The following PLEKHG4B variants were observed in gnomAD, a reference collection of about 807,000 sequenced individuals.
PLEKHG4B encodes pleckstrin homology domain-containing family G member 4B.
Under a neutral mutation model 121.3 loss-of-function variants are expected in PLEKHG4B, and 111 were observed. The observed-to-expected ratio is 0.92, with a 90% CI of 0.78 to 1.07. The LOEUF is 1.07. PLEKHG4B is among the 50% of genes least tolerant of loss of function. The pLI is 0.00. For missense variants in PLEKHG4B, 1,831 were observed against 1,757.8 expected, an observed-to-expected ratio of 1.04 and a Z score of -0.74; for synonymous variants, 738 against 725.0, an observed-to-expected ratio of 1.02 and a Z score of -0.29.
rs1736110692 is a variant in PLEKHG4B, at chr5:163,335, T to C, written c.3263T>C (p.Ile1088Thr). The C allele has an allele frequency of 6.2e-7, 1 of 1,613,346 alleles. No individual in the cohort carries two copies. The highest frequency in any genetic ancestry group is 1.7e-5 in the Admixed American group (1 of 60,032). Residue 1088 changes from isoleucine to threonine, a missense_variant, in exon 13 of 20, where the codon ATA becomes ACA. Physicochemically the swap from Ile to Thr is moderately conservative, Grantham distance 89. Transcript: ENST00000637938. Reference sequence around the variant, plus strand: ...ATAAAGAAAACGCAAAGTTTCGAGATACCTCAGCCCGACAGTGGCCCCAGG... The same window carrying C: ...ATAAAGAAAACGCAAAGTTTCGAGACACCTCAGCCCGACAGTGGCCCCAGG... ...KMIKKTQSFE[I>T]PQPDSGPRDS...
At chr5:146,447 A>G (rs538058607) in intron 6 of PLEKHG4B, among the ~76,000 whole-genome samples, 23 of 128,370 alleles carry the variant, frequency 1.8e-4, no homozygotes, top group Non-Finnish European at 6.6e-5. Context: ...CTAACCCTGC[A>G]GCCATCTCTC....
chr5:180,668 T>C (rs558054942), intron 18 of PLEKHG4B, among the ~76,000 whole-genome samples: 1 of 152,330 alleles, frequency 6.6e-6, no homozygotes, highest in East Asian at 1.9e-4. Context: ...GCAAACCCAC[T>C]GCAGCCAGAG....
intron 1 of PLEKHG4B, among the ~76,000 whole-genome samples, chr5:92,523 G>GGT: frequency 8.0e-6 from 1 of 124,506 alleles, no homozygotes; most frequent in Non-Finnish European, 1.7e-5. Flanking sequence ...CATCAAGGCG[G>GGT]GCGGGCGCGG....
At chr5:144,440 C>T (rs1020531214) in intron 5 of PLEKHG4B, among the ~76,000 whole-genome samples, 8 of 152,244 alleles carry the variant, frequency 5.3e-5, no homozygotes, top group Non-Finnish European at 7.3e-5. Context: ...AGGCCATCCA[C>T]ATCCCATCAG....
intron 13 of PLEKHG4B, among the ~76,000 whole-genome samples, chr5:167,216 G>A (rs1000088061): frequency 2.2e-4 from 33 of 152,186 alleles, no homozygotes; most frequent in African/African-American, 2.4e-5. Flanking sequence ...CGGCCTTCCC[G>A]CCAGTGCTGT....
rs1314207383 is a variant in PLEKHG4B, at chr5:135,679, AAAAATATATATATATATATAT to A, written c.244-3802_244-3782del. ...AGACTCCATCTCAAAAAAAAAAAAAAAAAATATATATATATATATATATATATATATATATATATATATATA... is the reference window on the plus strand; with the variant it reads ...AGACTCCATCTCAAAAAAAAAAAAAAATATATATATATATATATATATATA... On this transcript the variant is annotated intron_variant, in intron 2 of 19. Transcript: ENST00000637938. Among the ~76,000 whole-genome samples the A allele has an allele frequency of 5.7e-3, 325 of 57,152 alleles. 13 individuals are homozygous for A. The highest frequency in any genetic ancestry group is 0.049 in the Middle Eastern group (5 of 102). 37.5% of individuals were successfully genotyped at this position (57,152 alleles called of 152,430 possible). A position where few individuals can be genotyped will look rare whatever the true frequency, so the allele number is the denominator to read the frequency against.
At chr5:127,976 A>G (rs558282658) in intron 2 of PLEKHG4B, among the ~76,000 whole-genome samples, 4 of 152,330 alleles carry the variant, frequency 2.6e-5, no homozygotes, top group Admixed American at 6.5e-5. Flanking sequence ...CTGGCTGACA[A>G]TTGGTTGAGT....
intron 14 of PLEKHG4B, 36 bp downstream of exon 14, chr5:169,628 T>C: frequency 6.2e-7 from 1 of 1,605,062 alleles, no homozygotes; most frequent in Non-Finnish European, 8.5e-7. Flanking sequence ...CCGGGCAACG[T>C]GGTGGGTGAA....
chr5:162,864 A>C lies in PLEKHG4B; in HGVS notation c.2792A>C (p.His931Pro). 1 of 1,519,194 alleles carries C rather than the reference A, an allele frequency of 6.6e-7. No homozygotes were observed. The highest frequency in any genetic ancestry group is 8.8e-7 in the Non-Finnish European group (1 of 1,132,408). 94.1% of individuals were successfully genotyped at this position (1,519,194 alleles called of 1,614,324 possible). Residue 931 changes from histidine (H) to proline (P), a missense_variant, in exon 13 of 20, where the codon CAT becomes CCT. Coordinates refer to ENST00000637938, the MANE Select transcript of PLEKHG4B (RefSeq NM_052909.5). ...PGAGVAVLKP[H>P]ALGKPWASQQ... ...GCAGGTGTGGCAGTGCTGAAGCCTC[A>C]TGCCCTGGGGAAACCGTGGGCATCA...
chr5:140,087 G>A lies in PLEKHG4B; in HGVS notation c.848G>A (p.Ser283Asn), dbSNP rs1477066525. 2.1e-5 allele frequency: 10 copies of A among 476,078 alleles called. No individual in the cohort carries two copies. Among genetic ancestry groups the A allele is most frequent in the Non-Finnish European group, 3.7e-5 (10 of 273,282 alleles). The allele number at this position is 476,078 out of a possible 1,614,324, so 29.5% of individuals were successfully genotyped here. Reference protein sequence around the residue: ...ELGSPRTLSGSSDRDFEKVSP... With the variant: ...ELGSPRTLSGNSDRDFEKVSP... ...GGAAGCCCCAGGACCCTGTCTGGAA[G>A]CTCAGACAGGGACTTCGAAAAGGTC... The change falls in exon 3 of 20, where the codon AGC becomes AAC. Residue 283 changes from serine to asparagine, a missense_variant. By Grantham distance (46) the Ser-to-Asn change is conservative (BLOSUM62 1). Transcript: ENST00000637938.
Position 169,459 on chromosome 5 carries a change from G to C in PLEKHG4B, c.3596G>C (p.Gly1199Ala), listed in dbSNP as rs1351192838. The part of the protein sequence containing the change: ...PEMERMDLPQ[G>A]LRGKHHVIFG... ...ATGGAAAGAATGGACTTGCCCCAGG[G>C]CCTTCGAGGGAAGCACCACGTTATT... Residue 1199 changes from glycine to alanine, a missense_variant, in exon 14 of 20, where the codon GGC becomes GCC. Transcript: ENST00000637938. 6.2e-7 allele frequency: 1 copy of C among 1,614,092 alleles called. No individual in the cohort carries two copies. Among genetic ancestry groups the C allele is most frequent in the Non-Finnish European group, 8.5e-7 (1 of 1,180,050 alleles).
chr5:151,021 G>C (rs190106578), intron 6 of PLEKHG4B, among the ~76,000 whole-genome samples: 2 of 152,146 alleles, frequency 1.3e-5, no homozygotes, highest in African/African-American at 4.8e-5. Flanking sequence ...GGAACAAACC[G>C]TTGATCTCCA....
chr5:107,623 C>T (rs1734014262), intron 1 of PLEKHG4B, among the ~76,000 whole-genome samples: 1 of 152,270 alleles, frequency 6.6e-6, no homozygotes, highest in African/African-American at 2.4e-5. Flanking sequence ...GGTATCCCAC[C>T]TGCCCATCCC....
At chr5:99,780 G>T (rs778527281) in intron 1 of PLEKHG4B, among the ~76,000 whole-genome samples, 1 of 152,110 alleles carries the variant, frequency 6.6e-6, no homozygotes, top group Admixed American at 6.5e-5. Context: ...TAGAGGTGTA[G>T]AAAGCAGGCA....
rs138837556 is a variant in PLEKHG4B at position 163,185 on chromosome 5, C to T, written c.3113C>T (p.Ser1038Phe). The T allele has an allele frequency of 1.3e-3, 2,045 of 1,578,812 alleles. 2 individuals carry two copies. Among genetic ancestry groups the T allele is most frequent in the Non-Finnish European group, 1.5e-3 (1,774 of 1,163,576 alleles). The change falls in exon 13 of 20, where the codon TCC becomes TTC. Residue 1038 changes from serine (S) to phenylalanine (F), a missense_variant. Physicochemically the swap from Ser to Phe is radical, Grantham distance 155 (BLOSUM62 -2). Transcript: ENST00000637938. ...CTGTGTGCTCTGTGGGACCCACTGT[C>T]CCTCCTCAGGGGCCTTCCAGGGGCA... ...PGLCALWDPL[S>F]LLRGLPGAGA...
At chr5:101,503 G>A (rs571270231) in intron 1 of PLEKHG4B, among the ~76,000 whole-genome samples, 2,204 of 81,642 alleles carry the variant, frequency 0.027, 9 homozygotes, top group African/African-American at 0.079. Flanking sequence ...AAAGCCCTGG[G>A]AAAAGCCTGT....
chr5:163,060 G>A lies in PLEKHG4B; in HGVS notation c.2988G>A (p.Thr996=), dbSNP rs75431703. The change falls in exon 13 of 20, where the codon ACG becomes ACA. Residue 996 remains threonine, a synonymous_variant. Transcript: ENST00000637938. ...AGAAGCCACCCTCATTCCCCAGCAC[G>A]GACAGTGGGGGTGGTGCCTGGGAAC... The part of the protein sequence containing the change: ...RHQKPPSFPS[T]DSGGGAWEPA... The A allele has an allele frequency of 2.4e-3, 3,718 of 1,559,662 alleles. 71 individuals carry two copies. In the African/African-American group the frequency reaches 0.044, roughly 18 times the overall value.
At chr5:114,962 T>G (rs969334733) in intron 2 of PLEKHG4B, among the ~76,000 whole-genome samples, 2 of 152,250 alleles carry the variant, frequency 1.3e-5, no homozygotes, top group Non-Finnish European at 2.9e-5. Context: ...GTTGATATTC[T>G]GACCTCCTCT....
Position 92,223 on chromosome 5 carries a change from G to A in PLEKHG4B, c.-9G>A, listed in dbSNP as rs1733473348. The A allele has an allele frequency of 5.4e-6, 2 of 371,202 alleles. No individual in the cohort carries two copies. Among genetic ancestry groups the A allele is most frequent in the Admixed American group, 9.4e-5 (2 of 21,354 alleles). The allele number at this position is 371,202 out of a possible 1,614,324, so 23.0% of individuals were successfully genotyped here. On this transcript the variant is annotated 5_prime_UTR_variant, in exon 1 of 20. Transcript: ENST00000637938. ...GAAAGCGTCGGAGTTCGGGAGACCA[G>A]GGTCCAGCATGGGTTTCAGCACAGC...
Sources: allele counts gnomAD v4.1 joint callset (sites outside exome capture counted in the v4.1 genomes callset), GRCh38; gene constraint gnomAD v4.1.1; transcripts MANE v1.5; gene names NCBI Gene and HGNC (gene_info 2026-07-23, HGNC 2026-07-21).